The following TAFA1 variants were observed in gnomAD, a reference collection of about 807,000 sequenced individuals.
TAFA1 encodes chemokine-like protein TAFA-1.
Under a neutral mutation model 18.5 loss-of-function variants are expected in TAFA1, and 4 were observed. The ratio of observed to expected loss-of-function variants is 0.22; its 90% CI spans 0.11 to 0.49. The LOEUF is 0.49. TAFA1 is among the 20% of genes least tolerant of loss of function. TAFA1 has a pLI of 0.98. For missense variants in TAFA1, 147 were observed against 169.0 expected, an observed-to-expected ratio of 0.87 and a Z score of 0.72; for synonymous variants, 56 against 55.2, an observed-to-expected ratio of 1.01 and a Z score of -0.06.
chr3:68,475,366 G>A (rs950557764), intron 3 of TAFA1, among the ~76,000 whole-genome samples: 3 of 148,346 alleles, frequency 2.0e-5, no homozygotes, highest in African/African-American at 7.5e-5. Flanking sequence ...GTCTCCATGT[G>A]TTCTCACTGT....
At position 68,439,161 on chromosome 3, in the gene TAFA1, A is replaced by C. The variant is rs984137999; in HGVS notation, c.259+21741A>C. On this transcript the variant is annotated intron_variant, in intron 3 of 4. Transcript: ENST00000478136. ...CTGAACATGCTTTTTCACTTTTTACATGGCCAGGCTGAGAGTTTTCCAAAT... is the reference window on the plus strand; with the variant it reads ...CTGAACATGCTTTTTCACTTTTTACCTGGCCAGGCTGAGAGTTTTCCAAAT... Among the ~76,000 whole-genome samples, 6 of 151,868 alleles carry C rather than the reference A, an allele frequency of 4.0e-5. No individual in the cohort carries two copies. The East Asian group carries it at 1.2e-3, about 29-fold the overall frequency.
chr3:68,183,120 G>A (rs1198916046), intron 2 of TAFA1, among the ~76,000 whole-genome samples: 2 of 152,090 alleles, frequency 1.3e-5, no homozygotes. Flanking sequence ...CTGCCCCATC[G>A]CTTTGGGTGA....
At chr3:68,535,920 A>G (rs2073272402) in intron 3 of TAFA1, among the ~76,000 whole-genome samples, 1 of 152,164 alleles carries the variant, frequency 6.6e-6, no homozygotes, top group South Asian at 2.1e-4. Context: ...TTGTTAAGCT[A>G]TAGGGCATGG....
In TAFA1 at chr3:68,241,136, C is replaced by T. The variant is rs573549593; in HGVS notation, c.119-176144C>T. ...TCACAGTGGTTAGGTCAGTTATCTG[C>T]GGTTATAAGAAAAAAATTAGGGTTG... On this transcript the variant is annotated intron_variant, in intron 2 of 4. Transcript: ENST00000478136. 2.5e-4 allele frequency among the ~76,000 whole-genome samples: 38 copies of T among 151,966 alleles called. 2 individuals carry two copies. The highest frequency in any genetic ancestry group is 1.5e-3 in the South Asian group (7 of 4,814).
intron 2 of TAFA1, among the ~76,000 whole-genome samples, chr3:68,384,892 A>C: frequency 6.6e-6 from 1 of 151,898 alleles, no homozygotes; most frequent in Non-Finnish European, 1.5e-5. Context: ...GGTCTTGTTG[A>C]ATTCAACCCT....
At chr3:67,994,917 G>A in the TAFA1 span, among the ~76,000 whole-genome samples, 1 of 152,190 alleles carries the variant, frequency 6.6e-6, no homozygotes, top group African/African-American at 2.4e-5. Flanking sequence ...GGTTAGCTTG[G>A]CAGAGAGATT....
In TAFA1 at chr3:68,030,115, A is replaced by G. The variant is rs551824708; in HGVS notation, c.118+23371A>G. ...GATGAAGAAATTAGAGAATATACTT[A>G]AAATATCATGAGAATAAAGATAAAT... On this transcript the variant is annotated intron_variant, in intron 2 of 4. Transcript: ENST00000478136. Among the ~76,000 whole-genome samples the G allele has an allele frequency of 2.0e-5, 3 of 152,320 alleles. No homozygotes were observed. In the South Asian group the frequency reaches 6.2e-4, roughly 32 times the overall value.
intron 2 of TAFA1, among the ~76,000 whole-genome samples, chr3:68,357,580 G>C (rs1486134274): frequency 6.6e-6 from 1 of 151,892 alleles, no homozygotes; most frequent in Admixed American, 6.6e-5. Context: ...AGTCGGTGTA[G>C]TGTTTCTCTG....
At chr3:68,249,059 C>G (rs2067141010) in intron 2 of TAFA1, among the ~76,000 whole-genome samples, 1 of 152,108 alleles carries the variant, frequency 6.6e-6, no homozygotes, top group South Asian at 2.1e-4. Flanking sequence ...CCTCTTGAAC[C>G]TGGTGCCTTC....
intron 2 of TAFA1, among the ~76,000 whole-genome samples, chr3:68,366,085 C>CAAAA (rs35861602): frequency 3.8e-4 from 36 of 93,710 alleles, no homozygotes; most frequent in South Asian, 8.1e-4. Flanking sequence ...GACTCCATCT[C>CAAAA]AAAAAAAAAA....
chr3:68,482,989 G>A (rs1030906751), intron 3 of TAFA1, among the ~76,000 whole-genome samples: 8 of 152,200 alleles, frequency 5.3e-5, no homozygotes, highest in Non-Finnish European at 1.0e-4. Context: ...TAAGCCAGTT[G>A]GGGTCAGTTC....
intron 2 of TAFA1, among the ~76,000 whole-genome samples, chr3:68,122,342 T>C (rs1446494368): frequency 6.6e-6 from 1 of 152,202 alleles, no homozygotes; most frequent in Non-Finnish European, 1.5e-5. Context: ...ATGTACAAAT[T>C]TCAAAATGTT....
Position 68,439,809 on chromosome 3 carries a change from G to T in TAFA1, c.259+22389G>T, listed in dbSNP as rs528338715. Among the ~76,000 whole-genome samples, 3 of 152,040 alleles carry T rather than the reference G, an allele frequency of 2.0e-5. No homozygotes were observed. The East Asian group carries it at 5.8e-4, about 30-fold the overall frequency. Reference sequence around the variant, plus strand: ...TTGCATCCTTCAATCCAATCAAGATGACACTCAGTATTAACAATCACAAGT... The same window carrying T: ...TTGCATCCTTCAATCCAATCAAGATTACACTCAGTATTAACAATCACAAGT... On this transcript the variant is annotated intron_variant, in intron 3 of 4. Transcript: ENST00000478136.
chr3:68,422,544 A>G (rs2070975250), intron 3 of TAFA1, among the ~76,000 whole-genome samples: 1 of 152,130 alleles, frequency 6.6e-6, no homozygotes, highest in Non-Finnish European at 1.5e-5. Flanking sequence ...AGAAGCATAT[A>G]TTGGATTGCT....
At chr3:68,503,585 G>A (rs1167800583) in intron 3 of TAFA1, among the ~76,000 whole-genome samples, 2 of 152,080 alleles carry the variant, frequency 1.3e-5, no homozygotes, top group African/African-American at 4.8e-5. Context: ...TCCTGAAAAT[G>A]TTCTGGAATT....
At chr3:68,265,786 C>T (rs2067530349) in intron 2 of TAFA1, among the ~76,000 whole-genome samples, 1 of 152,288 alleles carries the variant, frequency 6.6e-6, no homozygotes, top group South Asian at 2.1e-4. Context: ...AGTCAGCCTT[C>T]TACATCTGGG....
chr3:68,042,728 C>T (rs571707859), intron 2 of TAFA1, among the ~76,000 whole-genome samples: 7 of 152,238 alleles, frequency 4.6e-5, no homozygotes, highest in South Asian at 2.1e-4. Flanking sequence ...TGTGTTTATG[C>T]ACTAATTTTC....
chr3:68,211,389 A>C (rs1437944450), intron 2 of TAFA1, among the ~76,000 whole-genome samples: 1 of 152,062 alleles, frequency 6.6e-6, no homozygotes, highest in Non-Finnish European at 1.5e-5. Flanking sequence ...GAAGATTCTA[A>C]ACATACTGAC....
upstream of TAFA1, among the ~76,000 whole-genome samples, chr3:68,001,360 CT>C (rs1559697320): frequency 6.6e-6 from 1 of 152,118 alleles, no homozygotes; most frequent in African/African-American, 2.4e-5. Flanking sequence ...TGAAGGTTAT[CT>C]TTTTTTCCAG....
Sources: gnomAD v4.1 joint callset for allele counts (sites outside exome capture counted in the v4.1 genomes callset) on GRCh38, gnomAD v4.1.1 for gene constraint, MANE v1.5 for transcripts, NCBI Gene and HGNC (gene_info 2026-07-23, HGNC 2026-07-21) for gene names.